VWF: variants seen among roughly 807,000 people sequenced by gnomAD.
VWF encodes Factor VIII related antigen.
VWF carries 176 observed loss-of-function variants against 308.6 expected under a neutral mutation model. The observed-to-expected ratio is 0.57, with a 90% CI of 0.50 to 0.65. The LOEUF (loss-of-function observed/expected upper bound fraction) is 0.65, where lower values mean the gene tolerates loss of function less well. Ranked by LOEUF, VWF falls within the 30% of genes least tolerant of loss-of-function variation. The pLI is 0.00. For missense variants in VWF, 3,146 were observed against 3,648.2 expected, an observed-to-expected ratio of 0.86 and a Z score of 3.55; for synonymous variants, 1,385 against 1,443.4, an observed-to-expected ratio of 0.96 and a Z score of 0.92.
At chr12:5,972,981 CA>C (rs2136359839) in intron 43 of VWF, among the ~76,000 whole-genome samples, 1 of 152,272 alleles carries the variant, frequency 6.6e-6, no homozygotes, top group South Asian at 2.1e-4. Flanking sequence ...TCGAGATTCG[CA>C]TATTATTTTT....
At chr12:6,044,490 A>C in intron 17 of VWF, 39 bp from the exon 18 acceptor site, 2 of 1,607,034 alleles carry the variant, frequency 1.2e-6, no homozygotes, top group East Asian at 2.2e-5. Context: ...TTAGTGAAGG[A>C]GAGAATGGAC....
Position 6,063,084 on chromosome 12 carries a change from G to A in VWF, c.1433-30C>T, listed in dbSNP as rs199752882. The A allele has an allele frequency of 1.2e-4, 185 of 1,579,820 alleles. No individual in the cohort carries two copies. In the East Asian group the frequency reaches 3.6e-3, roughly 31 times the overall value. Reference sequence around the variant, plus strand: ...AACCCAGCAGGACAGGACTCAGGCAGAGGTGGGGAGAGGACAGGGTGGTGG... The same window carrying A: ...AACCCAGCAGGACAGGACTCAGGCAAAGGTGGGGAGAGGACAGGGTGGTGG... On this transcript the variant is annotated intron_variant, in intron 12 of 51. Transcript: ENST00000261405. This position sits in a 1 kb window ranked among gnomAD's most constrained non-coding sequence, Gnocchi z 4.9.
chr12:6,016,306 T>G, intron 30 of VWF, 74 bp from the exon 31 acceptor site: 2 of 1,606,084 alleles, frequency 1.2e-6, no homozygotes, highest in Non-Finnish European at 8.5e-7. Flanking sequence ...GGTGGATCCT[T>G]AAGTCACTTA....
intron 47 of VWF, 161 bp from the exon 48 acceptor site, chr12:5,953,755 GTC>G: frequency 1.5e-6 from 1 of 670,398 alleles, no homozygotes; most frequent in South Asian, 1.7e-5. Context: ...TCAGTTCTCA[GTC>G]CCCTAGGTAG....
intron 34 of VWF, among the ~76,000 whole-genome samples, chr12:6,010,762 C>A (rs1228621131): frequency 6.6e-6 from 1 of 152,192 alleles, no homozygotes; most frequent in African/African-American, 2.4e-5. Flanking sequence ...GCTGACCATA[C>A]CCTCCTTCCC....
rs559086401 is a variant in VWF, at chr12:6,002,426, A to G, written c.5843-6204T>C. On this transcript the variant is annotated intron_variant, in intron 34 of 51. Transcript: ENST00000261405. The stretch of plus-strand genomic sequence containing the variant: ...TTAAAAAGAATTTTTGATATTATAA[A>G]AGATTACTGTGAAAATTTTACTTGT... 9.2e-5 allele frequency among the ~76,000 whole-genome samples: 14 copies of G among 152,118 alleles called. No homozygotes were observed. The East Asian group carries it at 2.7e-3, about 29-fold the overall frequency.
At chr12:6,051,660 A>G (rs1265875370) in intron 16 of VWF, among the ~76,000 whole-genome samples, 1 of 152,124 alleles carries the variant, frequency 6.6e-6, no homozygotes, top group Non-Finnish European at 1.5e-5. Context: ...CCCGGGCTAG[A>G]ATGCAGTGGC....
intron 6 of VWF, among the ~76,000 whole-genome samples, chr12:6,094,888 T>TTC (rs1236929369): frequency 6.9e-6 from 1 of 145,958 alleles, no homozygotes; most frequent in Non-Finnish European, 1.5e-5. Flanking sequence ...AATTTTTTTT[T>TTC]TTTTTTTTTT....
Position 6,058,670 on chromosome 12 carries a change from G to A in VWF, c.1534-626C>T, listed in dbSNP as rs1944621060. Among the ~76,000 whole-genome samples the A allele has an allele frequency of 2.6e-5, 4 of 152,232 alleles. No individual in the cohort carries two copies. On this transcript the variant is annotated intron_variant, in intron 13 of 51. Coordinates refer to ENST00000261405, the MANE Select transcript of VWF (RefSeq NM_000552.5). This position sits in a 1 kb window ranked among gnomAD's most constrained non-coding sequence, Gnocchi z 4.9. Reference sequence around the variant, plus strand: ...GGCCACGAGCCACAGAAGACTCTGAGGGTGATGATGGATAGGAGTAGGAGT... The same window carrying A: ...GGCCACGAGCCACAGAAGACTCTGAAGGTGATGATGGATAGGAGTAGGAGT...
Position 6,052,524 on chromosome 12 carries a change from C to T in VWF, c.2186+19G>A, listed in dbSNP as rs1314315138. The T allele has an allele frequency of 2.5e-6, 4 of 1,614,096 alleles. No individual in the cohort carries two copies. In the African/African-American group the frequency reaches 4.0e-5, roughly 16 times the overall value. ...GCTCTGCTGTTTTAGAGGTCCCTGA[C>T]ACTGCTGCCTGCACTTACCACATGG... On this transcript the variant is annotated intron_variant, in intron 16 of 51. Coordinates refer to ENST00000261405, the MANE Select transcript of VWF (RefSeq NM_000552.5).
chr12:5,982,936 GCCCA>G (rs1477264711), intron 41 of VWF, among the ~76,000 whole-genome samples: 1 of 152,176 alleles, frequency 6.6e-6, no homozygotes, highest in East Asian at 1.9e-4. Context: ...CTGTGGCTGT[GCCCA>G]CACCTGGTAT....
In VWF at chr12:5,951,789, C is replaced by T. The variant is rs924643278; in HGVS notation, c.8155+55G>A. On this transcript the variant is annotated intron_variant, in intron 50 of 51. Transcript: ENST00000261405. The stretch of plus-strand genomic sequence containing the variant: ...GTTTCAAGGAGCAAGCTGCAAAGAG[C>T]CCCTGGACTTGCTCTGATGGGTTTC... 3.1e-6 allele frequency: 5 copies of T among 1,594,962 alleles called. No individual in the cohort carries two copies. In the Middle Eastern group the frequency reaches 5.0e-4, roughly 158 times the overall value.
chr12:6,106,680 G>T (rs537737408), intron 5 of VWF, among the ~76,000 whole-genome samples: 2 of 152,082 alleles, frequency 1.3e-5, no homozygotes, highest in African/African-American at 4.8e-5. Context: ...TTCAAGAGCA[G>T]CCTGGCCAAC....
At chr12:5,952,150 T>C (rs1306386728) in intron 49 of VWF, 6 of 659,050 alleles carry the variant, frequency 9.1e-6, no homozygotes, top group African/African-American at 1.8e-5. Flanking sequence ...GATCTCACAT[T>C]TTATTCAAGA....
At chr12:5,952,594 C>T (rs897418383) in intron 48 of VWF, 75 bp from the exon 49 acceptor site, 4 of 1,572,694 alleles carry the variant, frequency 2.5e-6, no homozygotes, top group Non-Finnish European at 3.5e-6. Flanking sequence ...ATGAGCTTGA[C>T]TCCATGGAGA....
chr12:5,961,504 A>C (rs913637128), intron 47 of VWF, among the ~76,000 whole-genome samples: 16 of 152,020 alleles, frequency 1.1e-4, no homozygotes, highest in Non-Finnish European at 5.9e-5. Flanking sequence ...GAATGTATAA[A>C]GATTTCAAAG....
intron 6 of VWF, among the ~76,000 whole-genome samples, chr12:6,091,270 G>A (rs1379390258): frequency 6.9e-6 from 1 of 144,656 alleles, no homozygotes; most frequent in Admixed American, 7.1e-5. Flanking sequence ...AAGCTTCCTC[G>A]TGTTACCGTG....
rs572643769 is a variant in VWF, at chr12:6,122,664, G to C, written c.55+478C>G. The C allele has an allele frequency of 3.4e-4, 153 of 445,482 alleles. 1 individual carries two copies. Among genetic ancestry groups the C allele is most frequent in the African/African-American group, 2.8e-3 (141 of 49,498 alleles). 27.6% of individuals were successfully genotyped at this position (445,482 alleles called of 1,614,324 possible). On this transcript the variant is annotated intron_variant, in intron 2 of 51. Coordinates refer to ENST00000261405, the MANE Select transcript of VWF (RefSeq NM_000552.5). ...CAGACCCAGAATCTTAGCAAGGGAAGGGCAGCAGTATGATGCAGTGCAGTG... is the reference window on the plus strand; with the variant it reads ...CAGACCCAGAATCTTAGCAAGGGAACGGCAGCAGTATGATGCAGTGCAGTG...
Position 6,058,025 on chromosome 12 carries a change from C to A in VWF, c.1553G>T (p.Gly518Val). 6.2e-7 allele frequency: 1 copy of A among 1,613,226 alleles called. No individual in the cohort carries two copies. The highest frequency in any genetic ancestry group is 8.5e-7 in the Non-Finnish European group (1 of 1,180,040). Residue 518 changes from glycine to valine, a missense_variant, in exon 14 of 52, where the codon GGG (glycine) becomes GTG (valine). This residue lies in a region of VWF where 1,304 missense variants were observed against 1,353.0 expected (regional missense o/e 0.96). Transcript: ENST00000261405. This position sits in a 1 kb window ranked among gnomAD's most constrained non-coding sequence, Gnocchi z 4.9. ...LLVKLSPVYAGKTCGLCGNYN... is the reference protein window; with the variant it reads ...LLVKLSPVYAVKTCGLCGNYN... ...ATTCCCACACAGGCCGCAGGTCTTC[C>A]CGGCATAGACGGGGGACAGCTGCAG...
Sources: allele counts gnomAD v4.1 joint callset (sites outside exome capture counted in the v4.1 genomes callset), GRCh38; gene constraint gnomAD v4.1.1; regional missense constraint gnomAD v4.1.1; non-coding constraint Gnocchi (gnomAD v3.1); transcripts MANE v1.5; gene names NCBI Gene and HGNC (gene_info 2026-07-23, HGNC 2026-07-21).